The following KIRREL2 variants were observed in gnomAD, a reference collection of about 807,000 sequenced individuals.
The protein encoded by KIRREL2 is kin of IRRE-like protein 2.
KIRREL2 carries 56 observed loss-of-function variants against 73.4 expected under a neutral mutation model. That is an observed-to-expected ratio of 0.76 (90% CI 0.62 to 0.95). The LOEUF (loss-of-function observed/expected upper bound fraction) is 0.95. Ranked by LOEUF, KIRREL2 falls within the 40% of genes least tolerant of loss-of-function variation. KIRREL2 has a pLI of 0.00. For synonymous variants in KIRREL2, 407 were observed against 404.0 expected, an observed-to-expected ratio of 1.01 and a Z score of -0.09; for missense variants, 896 against 935.0, an observed-to-expected ratio of 0.96 and a Z score of 0.54.
chr19:35,862,863 C>A, intron 12 of KIRREL2, 64 bp from the exon 13 acceptor site: 1 of 979,886 alleles, frequency 1.0e-6, no homozygotes, highest in East Asian at 2.6e-5. Context: ...TCTCTTCCCG[C>A]TTATTGGTCT....
Position 35,860,978 on chromosome 19 carries a change from G to A in KIRREL2, c.998G>A (p.Cys333Tyr), listed in dbSNP as rs570978546. Residue 333 changes from cysteine (C) to tyrosine (Y), a missense_variant, in exon 8 of 15, where the codon TGC (cysteine) becomes TAC (tyrosine). Physicochemically the swap from Cys to Tyr is radical, Grantham distance 194 (BLOSUM62 -2). Transcript: ENST00000360202. The stretch of plus-strand genomic sequence containing the variant: ...GTGGGGGAAGACGCTTCCTTCAGCT[G>A]CGCCTGGCGCGGGAACCCGCTTCCA... The part of the protein sequence containing the change: ...VDVGEDASFS[C>Y]AWRGNPLPRV... 2 of 1,613,596 alleles carry A rather than the reference G, an allele frequency of 1.2e-6. No individual in the cohort carries two copies. Among genetic ancestry groups the A allele is most frequent in the Non-Finnish European group, 1.7e-6 (2 of 1,179,890 alleles).
intron 2 of KIRREL2, 80 bp downstream of exon 2, chr19:35,857,574 T>C (rs1440447854): frequency 1.4e-6 from 2 of 1,402,734 alleles, no homozygotes; most frequent in Non-Finnish European, 1.9e-6. Context: ...AGTTTCTATT[T>C]TGACATTTTC....
chr19:35,862,413 G>T (rs1973734262), intron 11 of KIRREL2, 80 bp from the exon 12 acceptor site: 6 of 1,070,958 alleles, frequency 5.6e-6, no homozygotes, highest in Non-Finnish European at 8.5e-6. Context: ...TTGAACCCAG[G>T]AATCCCAAAC....
upstream of KIRREL2, among the ~76,000 whole-genome samples, chr19:35,853,447 C>T (rs1973329841): frequency 6.6e-6 from 1 of 152,210 alleles, no homozygotes; most frequent in African/African-American, 2.4e-5. Context: ...TGCCCTCTCT[C>T]CCATCTCTTC....
At chr19:35,855,640 C>T (rs1431116098), upstream of KIRREL2, among the ~76,000 whole-genome samples, 1 of 146,000 alleles carries the variant, frequency 6.8e-6, no homozygotes. Flanking sequence ...ACACTACCCA[C>T]CCCCGCACCT....
upstream of KIRREL2, chr19:35,851,846 C>T (rs1973274469): frequency 1.9e-6 from 3 of 1,550,404 alleles, no homozygotes; most frequent in South Asian, 1.2e-5. Flanking sequence ...ATCACAGGTC[C>T]CCCTACTGTG....
rs753993342 is a variant in KIRREL2, at chr19:35,863,034, C to A, written c.1723C>A (p.Arg575=). 2 of 1,556,454 alleles carry A rather than the reference C, an allele frequency of 1.3e-6. No homozygotes were observed. The highest frequency in any genetic ancestry group is 1.9e-5 in the Admixed American group (1 of 53,386). The change falls in exon 13 of 15, where the codon CGG becomes AGG. Residue 575 remains arginine, a splice_region_variant and synonymous_variant. Coordinates refer to ENST00000360202, the MANE Select transcript of KIRREL2 (RefSeq NM_199180.4). ...EEEETGSRED[R]GPIVHTDHSD... ...AGAGGAGACAGGCAGCCGCGAGGACCGGGTAGGATGCCAGGGTCCCCAGAC... is the reference window on the plus strand; with the variant it reads ...AGAGGAGACAGGCAGCCGCGAGGACAGGGTAGGATGCCAGGGTCCCCAGAC...
chr19:35,863,453 G>GCT (rs1442029691), intron 13 of KIRREL2, among the ~76,000 whole-genome samples: 1 of 142,128 alleles, frequency 7.0e-6, no homozygotes, highest in Admixed American at 6.8e-5. Flanking sequence ...ATGTAGGAGG[G>GCT]CTCTAGTCTT....
intron 2 of KIRREL2, among the ~76,000 whole-genome samples, 194 bp downstream of exon 2, chr19:35,857,688 C>G (rs670091): frequency 0.06 from 9,170 of 152,054 alleles, 829 homozygotes; most frequent in African/African-American, 0.2. Context: ...TATGTTATTG[C>G]AAAATAGTAC....
At chr19:35,853,908 G>T (rs1266069256), upstream of KIRREL2, among the ~76,000 whole-genome samples, 1 of 144,232 alleles carries the variant, frequency 6.9e-6, no homozygotes, top group Non-Finnish European at 1.5e-5. Context: ...GCAATGGTGC[G>T]ATGTTGGCTC....
Position 35,860,289 on chromosome 19 carries a change from C to A in KIRREL2, c.674-8C>A. On this transcript the variant is annotated splice_polypyrimidine_tract_variant and splice_region_variant and intron_variant, in intron 5 of 14. Coordinates refer to ENST00000360202, the MANE Select transcript of KIRREL2 (RefSeq NM_199180.4). ...CTTGCCCATCTGACCATTGTCCCAC[C>A]CTCACAGACCCCCCAGAGGTGACTC... The A allele has an allele frequency of 1.9e-6, 3 of 1,612,314 alleles. No homozygotes were observed. The South Asian group carries it at 3.3e-5, about 18-fold the overall frequency.
upstream of KIRREL2, among the ~76,000 whole-genome samples, chr19:35,855,291 C>T (rs186511337): frequency 6.6e-6 from 1 of 152,078 alleles, no homozygotes; most frequent in Non-Finnish European, 1.5e-5. Flanking sequence ...CTTGCTGGGG[C>T]CTTTAATAAG....
chr19:35,856,769 G>T, upstream of KIRREL2: 2 of 343,974 alleles, frequency 5.8e-6, no homozygotes, highest in South Asian at 2.9e-5. This position sits in a 1 kb window ranked among gnomAD's most constrained non-coding sequence, Gnocchi z 5.9. Flanking sequence ...AGCTGGGGGC[G>T]CCCACCCGCC....
In KIRREL2 at chr19:35,858,829, G is replaced by A; in HGVS notation, c.487G>A (p.Asp163Asn). 2.5e-6 allele frequency: 4 copies of A among 1,614,214 alleles called. No individual in the cohort carries two copies. The South Asian group carries it at 4.4e-5, about 18-fold the overall frequency. Residue 163 changes from aspartate to asparagine, a missense_variant, in exon 4 of 15, where the codon GAT becomes AAT. Coordinates refer to ENST00000360202, the MANE Select transcript of KIRREL2 (RefSeq NM_199180.4). The part of the protein sequence containing the change: ...RPTPELLWFR[D>N]GVLLDGATFH... ...TACCCCTGAATTGCTGTGGTTCCGA[G>A]ATGGGGTCCTGTTGGATGGAGCCAC...
chr19:35,858,647 G>A (rs1464642853), intron 3 of KIRREL2, 57 bp from the exon 4 acceptor site: 1 of 1,608,536 alleles, frequency 6.2e-7, no homozygotes, highest in African/African-American at 1.3e-5. Flanking sequence ...CCAGGGGCAT[G>A]GTCAATTGGA....
intron 10 of KIRREL2, 66 bp downstream of exon 10, chr19:35,861,707 C>G: frequency 1.3e-6 from 2 of 1,588,460 alleles, no homozygotes; most frequent in Non-Finnish European, 1.7e-6. Flanking sequence ...CCTGGCCCCC[C>G]GAAACTACTG....
At chr19:35,851,773 C>G (rs1315632845), upstream of KIRREL2, 6 of 1,554,034 alleles carry the variant, frequency 3.9e-6, no homozygotes, top group Admixed American at 1.2e-4. Flanking sequence ...GCTGGGATCC[C>G]ACTCACCTTC....
Position 35,863,015 on chromosome 19 carries a change from G to C in KIRREL2, c.1704G>C (p.Glu568Asp). 1 of 1,587,074 alleles carries C rather than the reference G, an allele frequency of 6.3e-7. No homozygotes were observed. The highest frequency in any genetic ancestry group is 8.6e-7 in the Non-Finnish European group (1 of 1,166,518). Residue 568 changes from glutamate (E) to aspartate (D), a missense_variant, in exon 13 of 15, where the codon GAG (glutamate) becomes GAC (aspartate). Transcript: ENST00000360202. The stretch of plus-strand genomic sequence containing the variant: ...GTTCACGAGGTCCTGAAGAAGAGGA[G>C]ACAGGCAGCCGCGAGGACCGGGTAG... The part of the protein sequence containing the change: ...GSSSRGPEEE[E>D]TGSREDRGPI...
intron 13 of KIRREL2, 131 bp from the exon 14 acceptor site, chr19:35,864,517 C>T (rs1599872194): frequency 3.0e-6 from 2 of 668,912 alleles, no homozygotes; most frequent in East Asian, 2.7e-5. Flanking sequence ...GTCCTGAGTG[C>T]AGTCCCCAGC....
Sources: gnomAD v4.1 joint callset for allele counts (sites outside exome capture counted in the v4.1 genomes callset) on GRCh38, gnomAD v4.1.1 for gene constraint, Gnocchi (gnomAD v3.1) non-coding constraint, MANE v1.5 for transcripts, NCBI Gene and HGNC (gene_info 2026-07-23, HGNC 2026-07-21) for gene names.